KHDRBS3: variants seen among roughly 807,000 people sequenced by gnomAD.
The protein encoded by KHDRBS3 is KH RNA binding domain containing, signal transduction associated 3, also known as KH domain-containing, RNA-binding, signal transduction-associated protein 3.
In KHDRBS3, 23 loss-of-function variants were observed where a neutral mutation model predicts 45.6. The observed-to-expected ratio is 0.50, with a 90% CI of 0.36 to 0.72. The LOEUF (loss-of-function observed/expected upper bound fraction) is 0.72. Among genes scored for constraint, KHDRBS3 ranks in the 30% least tolerant of loss-of-function variants. KHDRBS3 has a pLI of 0.00. For missense variants in KHDRBS3, 352 were observed against 424.8 expected, an observed-to-expected ratio of 0.83 and a Z score of 1.51; for synonymous variants, 162 against 156.5, an observed-to-expected ratio of 1.04 and a Z score of -0.26.
chr8:135,597,579 A>G (rs916299990), intron 6 of KHDRBS3, among the ~76,000 whole-genome samples: 2 of 151,906 alleles, frequency 1.3e-5, no homozygotes, highest in Non-Finnish European at 2.9e-5. Flanking sequence ...TCATTATCTT[A>G]TATACCATAT....
chr8:135,649,113 C>T (rs1043771071), downstream of KHDRBS3, among the ~76,000 whole-genome samples: 19 of 152,068 alleles, frequency 1.2e-4, no homozygotes, highest in Non-Finnish European at 1.9e-4. Context: ...ATAAAAATTA[C>T]TTCATAAAAT....
chr8:135,495,286 C>T (rs948410847), intron 1 of KHDRBS3, among the ~76,000 whole-genome samples: 8 of 152,144 alleles, frequency 5.3e-5, no homozygotes, highest in African/African-American at 1.7e-4. Context: ...TTTTTGTGAC[C>T]GTAACTCTCT....
intron 6 of KHDRBS3, 71 bp from the exon 7 acceptor site, chr8:135,606,884 T>G: frequency 8.3e-7 from 1 of 1,203,536 alleles, no homozygotes; most frequent in South Asian, 1.3e-5. Context: ...GGAAATTCAC[T>G]AAAAGCAGAA....
Position 135,457,774 on chromosome 8 carries a change from C to G in KHDRBS3, c.-93C>G, listed in dbSNP as rs1345304610. The G allele has an allele frequency of 3.3e-6, 2 of 603,210 alleles. No homozygotes were observed. The highest frequency in any genetic ancestry group is 4.6e-6 in the Non-Finnish European group (2 of 432,270). The allele number at this position is 603,210 out of a possible 1,614,324, so 37.4% of individuals were successfully genotyped here. ...TGCTGCCGCGTCTGGCCCCCGGGTC[C>G]CCGCCGCTGGGGGCGCGGGCGGGGT... On this transcript the variant is annotated 5_prime_UTR_variant, in exon 1 of 9. Coordinates refer to ENST00000355849, the MANE Select transcript of KHDRBS3 (RefSeq NM_006558.3). The surrounding 1 kb of genome is among the most constrained non-coding windows in gnomAD (Gnocchi z 4.4).
At chr8:135,458,560 T>A (rs1821247168) in intron 1 of KHDRBS3, 1 of 310,556 alleles carries the variant, frequency 3.2e-6, no homozygotes, top group Non-Finnish European at 6.3e-6. Flanking sequence ...GTGTCCAGGC[T>A]CCAACAGCCC....
chr8:135,498,346 G>A (rs1368515355), intron 1 of KHDRBS3, among the ~76,000 whole-genome samples: 1 of 147,564 alleles, frequency 6.8e-6, no homozygotes. Context: ...CCCTAGGGTG[G>A]CCAGAATGAT....
At chr8:135,462,996 T>C (rs1821508178) in intron 1 of KHDRBS3, among the ~76,000 whole-genome samples, 7 of 152,232 alleles carry the variant, frequency 4.6e-5, no homozygotes. Flanking sequence ...ATTTTCATAC[T>C]TCATTCTTCA....
chr8:135,612,509 A>T (rs1829744890), intron 7 of KHDRBS3, among the ~76,000 whole-genome samples: 1 of 151,908 alleles, frequency 6.6e-6, no homozygotes, highest in Non-Finnish European at 1.5e-5. Flanking sequence ...CAGTTTTCAG[A>T]TGCACTGGTG....
At chr8:135,603,371 A>G (rs1190019850) in intron 6 of KHDRBS3, among the ~76,000 whole-genome samples, 1 of 152,188 alleles carries the variant, frequency 6.6e-6, no homozygotes, top group Non-Finnish European at 1.5e-5. Flanking sequence ...ATTATTTGTA[A>G]TGTCTGCATT....
Position 135,616,218 on chromosome 8 carries a change from T to C in KHDRBS3, c.890+9181T>C, listed in dbSNP as rs145484897. ...CAAAAGGAGTTGACATTCACAGAAT[T>C]TGAGCTTGACCAAAGTCACATAGCT... On this transcript the variant is annotated intron_variant, in intron 7 of 8. Transcript: ENST00000355849. Among the ~76,000 whole-genome samples, 219 of 152,316 alleles carry C rather than the reference T, an allele frequency of 1.4e-3. 3 individuals carry two copies. Among genetic ancestry groups the C allele is most frequent in the African/African-American group, 4.8e-3 (200 of 41,582 alleles).
chr8:135,635,841 AT>A (rs1830788696), intron 7 of KHDRBS3, among the ~76,000 whole-genome samples: 1 of 152,236 alleles, frequency 6.6e-6, no homozygotes, highest in African/African-American at 2.4e-5. Context: ...ACTTCGCTGC[AT>A]TATGCGTATC....
chr8:135,507,062 G>A (rs868799701), intron 1 of KHDRBS3, among the ~76,000 whole-genome samples: 3 of 152,052 alleles, frequency 2.0e-5, no homozygotes, highest in African/African-American at 7.2e-5. Context: ...TAAATAGACT[G>A]CAGATATATT....
At chr8:135,577,943 G>C (rs1828023450) in intron 5 of KHDRBS3, among the ~76,000 whole-genome samples, 1 of 152,158 alleles carries the variant, frequency 6.6e-6, no homozygotes, top group African/African-American at 2.4e-5. Context: ...TACGTGAGAA[G>C]TGGTATCTCA....
At chr8:135,553,283 C>A (rs183878177) in intron 4 of KHDRBS3, among the ~76,000 whole-genome samples, 65 of 152,036 alleles carry the variant, frequency 4.3e-4, no homozygotes, top group African/African-American at 1.4e-3. Flanking sequence ...TATTGTGTAC[C>A]ATTAGTCAGT....
At chr8:135,538,859 A>G (rs1432191747) in intron 2 of KHDRBS3, 3 of 152,212 alleles carry the variant, frequency 2.0e-5, no homozygotes, top group Non-Finnish European at 2.9e-5. Context: ...CAGTCCATCT[A>G]TTAGTTAGGC....
chr8:135,569,686 C>T (rs141811402), intron 5 of KHDRBS3, among the ~76,000 whole-genome samples: 2 of 152,232 alleles, frequency 1.3e-5, no homozygotes, highest in East Asian at 3.9e-4. Context: ...GGTCTCTGGG[C>T]GACACTCCTC....
chr8:135,570,927 A>T (rs1827672639), intron 5 of KHDRBS3, among the ~76,000 whole-genome samples: 1 of 152,224 alleles, frequency 6.6e-6, no homozygotes, highest in Non-Finnish European at 1.5e-5. Context: ...GGAGCTGATG[A>T]AGGGGAGACA....
At chr8:135,512,078 G>A (rs991497525) in intron 1 of KHDRBS3, among the ~76,000 whole-genome samples, 1 of 152,054 alleles carries the variant, frequency 6.6e-6, no homozygotes. Flanking sequence ...TAGTTATAGT[G>A]TGTTCAACTC....
chr8:135,557,429 T>C lies in KHDRBS3; in HGVS notation c.472-19T>C. On this transcript the variant is annotated intron_variant, in intron 4 of 8. Transcript: ENST00000355849. ...TTCTAATATGAAGTGAATTTTGCTA[T>C]CTTCTGTCTTTTGTGTAGGATTATA... 1 of 1,546,448 alleles carries C rather than the reference T, an allele frequency of 6.5e-7. No individual in the cohort carries two copies. Among genetic ancestry groups the C allele is most frequent in the Middle Eastern group, 1.7e-4 (1 of 5,816 alleles).
Sources: allele counts gnomAD v4.1 joint callset (sites outside exome capture counted in the v4.1 genomes callset), GRCh38; gene constraint gnomAD v4.1.1; non-coding constraint Gnocchi (gnomAD v3.1); transcripts MANE v1.5; gene names NCBI Gene and HGNC (gene_info 2026-07-23, HGNC 2026-07-21).